Variants in KYAT1 observed in about 807,000 individuals in gnomAD.
KYAT1 encodes the protein kynurenine aminotransferase 1, also known as kynurenine--oxoglutarate transaminase 1.
A neutral mutation model predicts 52.4 loss-of-function variants in KYAT1; 47 were observed. The observed-to-expected ratio is 0.90, with a 90% CI of 0.71 to 1.14. The LOEUF (loss-of-function observed/expected upper bound fraction) is 1.14. Among genes scored for constraint, KYAT1 ranks in the 50% most tolerant of loss-of-function variants. KYAT1 has a pLI of 0.00. For missense variants in KYAT1, 480 were observed against 557.9 expected (o/e 0.86, Z 1.41); for synonymous variants, 212 against 209.6 (o/e 1.01, Z -0.10).
intron 1 of KYAT1, among the ~76,000 whole-genome samples, chr9:128,881,276 T>G (rs2130890335): frequency 6.6e-6 from 1 of 151,902 alleles, no homozygotes; most frequent in East Asian, 1.9e-4. Context: ...AGAGATGAGG[T>G]TTCACCAAGT....
chr9:128,868,622 G>A, intron 1 of KYAT1, among the ~76,000 whole-genome samples: 1 of 151,658 alleles, frequency 6.6e-6, no homozygotes, highest in East Asian at 1.9e-4. Context: ...CTACAGCCTT[G>A]TTCTCATAGA....
Position 128,845,389 on chromosome 9 carries a change from TGCAGCTGTTTGG to T in KYAT1, c.5_16del (p.Ala2_Gln6delinsGlu). On this transcript the variant is annotated inframe_deletion, in exon 2 of 13. Coordinates refer to ENST00000302586, the MANE Select transcript of KYAT1 (RefSeq NM_004059.5). ...GTCGATCCCGTCTAGCCTTCGGGCC[TGCAGCTGTTTGG>T]CCATGGCGAGCTGGAGACGAACAAG... The T allele has an allele frequency of 6.2e-7, 1 of 1,613,858 alleles. No homozygotes were observed. The highest frequency in any genetic ancestry group is 2.2e-5 in the East Asian group (1 of 44,874).
chr9:128,845,610 T>C (rs968519221), intron 1 of KYAT1, 199 bp from the exon 2 acceptor site: 1 of 566,512 alleles, frequency 1.8e-6, no homozygotes, highest in African/African-American at 1.9e-5. Context: ...CTCACCTGGT[T>C]CCTCTTGACT....
rs137858097 is a variant in KYAT1 at position 128,833,458 on chromosome 9, G to A, written c.*126C>T. The A allele has an allele frequency of 4.5e-5, 43 of 954,620 alleles. No individual in the cohort carries two copies. Among genetic ancestry groups the A allele is most frequent in the African/African-American group, 4.2e-4 (26 of 62,172 alleles). The allele number at this position is 954,620 out of a possible 1,614,324, so 59.1% of individuals were successfully genotyped here. A position where few individuals can be genotyped will look rare whatever the true frequency, so the allele number is the denominator to read the frequency against. ...TCCCACCCAGAACATTCTGTGTCAC[G>A]GAGAAGAGGTTTCCCAATAGCATCT... On this transcript the variant is annotated 3_prime_UTR_variant, in exon 13 of 13. Coordinates refer to ENST00000302586, the MANE Select transcript of KYAT1 (RefSeq NM_004059.5).
chr9:128,858,797 C>T (rs558111461), intron 1 of KYAT1, among the ~76,000 whole-genome samples: 1 of 151,856 alleles, frequency 6.6e-6, no homozygotes, highest in East Asian at 1.9e-4. Flanking sequence ...CACTTGAGGT[C>T]AGGAGTTTGA....
intron 2 of KYAT1, among the ~76,000 whole-genome samples, chr9:128,843,552 T>C (rs141543197): frequency 1.4e-3 from 210 of 152,208 alleles, no homozygotes; most frequent in Non-Finnish European, 1.9e-3. Context: ...CTAATTTTTG[T>C]ATTTTTAGTA....
Position 128,833,648 on chromosome 9 carries a change from G to C in KYAT1, c.1210-5C>G. 1 of 1,614,190 alleles carries C rather than the reference G, an allele frequency of 6.2e-7. No individual in the cohort carries two copies. The highest frequency in any genetic ancestry group is 8.5e-7 in the Non-Finnish European group (1 of 1,180,036). On this transcript the variant is annotated splice_region_variant and splice_polypyrimidine_tract_variant and intron_variant, in intron 12 of 12. Transcript: ENST00000302586. ...GGCCTGGAGCGTGGCTTCATCCTGC[G>C]CCAGCACAGATTAGTCCTACACTCT...
intron 1 of KYAT1, among the ~76,000 whole-genome samples, chr9:128,877,478 C>T (rs375276897): frequency 6.6e-6 from 1 of 152,254 alleles, no homozygotes; most frequent in African/African-American, 2.4e-5. Flanking sequence ...AAAACTCACT[C>T]AGCCTAGAGA....
chr9:128,859,665 T>C (rs1455549043), intron 1 of KYAT1, among the ~76,000 whole-genome samples: 7 of 151,528 alleles, frequency 4.6e-5, no homozygotes, highest in Admixed American at 6.6e-5. Context: ...TTTTTTTTTT[T>C]TGAGACAGAA....
At chr9:128,880,678 G>A (rs1838710786) in intron 1 of KYAT1, among the ~76,000 whole-genome samples, 1 of 151,996 alleles carries the variant, frequency 6.6e-6, no homozygotes, top group Non-Finnish European at 1.5e-5. Flanking sequence ...TACTGACCTC[G>A]TGATCCGCCC....
intron 1 of KYAT1, among the ~76,000 whole-genome samples, chr9:128,876,759 C>G (rs1838103392): frequency 6.8e-6 from 1 of 147,494 alleles, no homozygotes; most frequent in South Asian, 2.3e-4. Context: ...TCTCTCTTCA[C>G]TCTGTCACCC....
At chr9:128,879,302 T>A (rs1373730657) in intron 1 of KYAT1, among the ~76,000 whole-genome samples, 2 of 149,964 alleles carry the variant, frequency 1.3e-5, no homozygotes, top group African/African-American at 4.9e-5. Context: ...AGAGTGAGAC[T>A]CCGTCTCAAA....
intron 1 of KYAT1, among the ~76,000 whole-genome samples, chr9:128,861,397 A>C (rs1588126821): frequency 6.6e-6 from 1 of 152,160 alleles, no homozygotes; most frequent in South Asian, 2.1e-4. Context: ...TCCTGCCGCC[A>C]TGTGAAGAAC....
At chr9:128,870,672 C>T (rs1435204133) in intron 1 of KYAT1, among the ~76,000 whole-genome samples, 6 of 151,786 alleles carry the variant, frequency 4.0e-5, no homozygotes, top group East Asian at 1.9e-4. Context: ...TGAAAGAAGC[C>T]GGACAAAAAA....
rs1285454327 is a variant in KYAT1, at chr9:128,838,278, A to G, written c.291T>C (p.Thr97=). 3.1e-6 allele frequency: 5 copies of G among 1,614,094 alleles called. No individual in the cohort carries two copies. The highest frequency in any genetic ancestry group is 1.1e-5 in the South Asian group (1 of 91,088). The change falls in exon 4 of 13, where the codon ACT becomes ACC. Residue 97 remains threonine (T), a synonymous_variant. Coordinates refer to ENST00000302586, the MANE Select transcript of KYAT1 (RefSeq NM_004059.5). ...EIDPLRNVLV[T]VGGYGALFTA... The stretch of plus-strand genomic sequence containing the variant: ...TGAACAGGGCCCCATAGCCACCAAC[A>G]GTCACCAGCACATTCCTGAGCGGGT...
At chr9:128,835,890 G>C (rs1381650536) in intron 8 of KYAT1, 22 bp from the exon 9 acceptor site, 20 of 1,613,242 alleles carry the variant, frequency 1.2e-5, no homozygotes, top group African/African-American at 2.7e-5. Flanking sequence ...GCGCAGGTAG[G>C]GGGAGAGGTC....
At chr9:128,850,018 G>A (rs1010161017) in intron 1 of KYAT1, among the ~76,000 whole-genome samples, 11 of 151,110 alleles carry the variant, frequency 7.3e-5, no homozygotes, top group Admixed American at 4.6e-4. Context: ...CTGAGTAGCT[G>A]GGATTATACG....
chr9:128,841,980 C>T (rs571456594), intron 3 of KYAT1: 1 of 159,854 alleles, frequency 6.3e-6, no homozygotes, highest in East Asian at 1.9e-4. Context: ...TCACTACACT[C>T]TAGCCTAGGT....
intron 1 of KYAT1, among the ~76,000 whole-genome samples, chr9:128,848,982 G>T (rs572936968): frequency 6.6e-6 from 1 of 152,128 alleles, no homozygotes; most frequent in Admixed American, 6.5e-5. Context: ...GGGTGTGGTG[G>T]CACATGACTG....
Sources: allele counts gnomAD v4.1 joint callset (sites outside exome capture counted in the v4.1 genomes callset), GRCh38; gene constraint gnomAD v4.1.1; transcripts MANE v1.5; gene names NCBI Gene and HGNC (gene_info 2026-07-23, HGNC 2026-07-21).